The following POTEH variants were observed in gnomAD, a reference collection of about 807,000 sequenced individuals.
POTEH encodes the protein ANKRD26-like family C member 3.
A neutral mutation model predicts 41.7 loss-of-function variants in POTEH; 6 were observed. The observed-to-expected ratio is 0.14, with a 90% CI of 0.08 to 0.28. POTEH has a LOEUF of 0.28. POTEH is among the 10% of genes least tolerant of loss of function. The pLI is 1.00. For missense variants in POTEH, 115 were observed against 533.5 expected (o/e 0.22, Z 7.73); for synonymous variants, 38 against 179.9 (o/e 0.21, Z 6.31).
At chr22:15,711,206 TAGCC>T (rs1989815528) in intron 9 of POTEH, among the ~76,000 whole-genome samples, 172 bp downstream of exon 9, 1 of 152,078 alleles carries the variant, frequency 6.6e-6, no homozygotes, top group African/African-American at 2.4e-5. Flanking sequence ...ATTTGAAAAA[TAGCC>T]AGTATTGGCA....
chr22:15,691,203 G>T (rs1376938376), intron 1 of POTEH, among the ~76,000 whole-genome samples: 2 of 140,192 alleles, frequency 1.4e-5, no homozygotes, highest in Non-Finnish European at 3.2e-5. Flanking sequence ...TCTTGTGCTT[G>T]AATAGGAAGA....
chr22:15,696,735 G>A lies in POTEH; in HGVS notation c.921+917G>A, dbSNP rs561644815. ...GATAAATGAGTAACAAGATCAAGTT[G>A]GATTTTGAGTTGACTAGATACTGTT... On this transcript the variant is annotated intron_variant, in intron 3 of 10. Coordinates refer to ENST00000343518, the MANE Select transcript of POTEH (RefSeq NM_001136213.1). Among the ~76,000 whole-genome samples, 294 of 95,216 alleles carry A rather than the reference G, an allele frequency of 3.1e-3. 71 individuals carry two copies. The highest frequency in any genetic ancestry group is 9.3e-3 in the African/African-American group (288 of 31,062). The allele number at this position is 95,216 out of a possible 152,430, so 62.5% of individuals were successfully genotyped here.
At position 15,690,293 on chromosome 22, in the gene POTEH, C is replaced by T. The variant is rs1460137483; in HGVS notation, c.216C>T (p.Cys72=). 2.1e-6 allele frequency: 3 copies of T among 1,422,184 alleles called. No homozygotes were observed. The highest frequency in any genetic ancestry group is 1.9e-6 in the Non-Finnish European group (2 of 1,029,214). 88.1% of individuals were successfully genotyped at this position (1,422,184 alleles called of 1,614,324 possible). Residue 72 remains cysteine (C), a synonymous_variant, in exon 1 of 11, where the codon TGC becomes TGT. Coordinates refer to ENST00000343518, the MANE Select transcript of POTEH (RefSeq NM_001136213.1). ...GKWCCHCFPW[C]RGSGKSNVGT... Reference sequence around the variant, plus strand: ...GGTGCTGCCACTGCTTCCCCTGGTGCAGGGGGAGCGGCAAGAGCAACGTGG... The same window carrying T: ...GGTGCTGCCACTGCTTCCCCTGGTGTAGGGGGAGCGGCAAGAGCAACGTGG...
intron 1 of POTEH, among the ~76,000 whole-genome samples, chr22:15,692,703 C>T (rs1169654220): frequency 4.1e-5 from 5 of 120,560 alleles, no homozygotes; most frequent in South Asian, 2.4e-4. Context: ...TGCAGTGAGC[C>T]GAGATCGTGC....
chr22:15,711,396 C>A (rs1233109208), intron 9 of POTEH, among the ~76,000 whole-genome samples: 5 of 151,792 alleles, frequency 3.3e-5, no homozygotes, highest in African/African-American at 1.2e-4. Context: ...TCGTCTCCCT[C>A]CTGCCACTCT....
At chr22:15,717,586 G>T (rs1346194342) in intron 9 of POTEH, among the ~76,000 whole-genome samples, 1 of 111,346 alleles carries the variant, frequency 9.0e-6, no homozygotes, top group Non-Finnish European at 2.0e-5. Flanking sequence ...TTTACCGTTT[G>T]TACATCTTCT....
chr22:15,699,603 C>T (rs1416814187), intron 4 of POTEH: 2 of 223,612 alleles, frequency 8.9e-6, no homozygotes, highest in African/African-American at 4.7e-5. Context: ...AATTCAGTGC[C>T]TAGCACATGC....
In POTEH at chr22:15,721,327, A is replaced by C. The variant is rs1990018333; in HGVS notation, c.*43A>C. 1 of 1,584,796 alleles carries C rather than the reference A, an allele frequency of 6.3e-7. No individual in the cohort carries two copies. The highest frequency in any genetic ancestry group is 8.7e-7 in the Non-Finnish European group (1 of 1,154,078). On this transcript the variant is annotated 3_prime_UTR_variant, in exon 11 of 11. Transcript: ENST00000343518. ...AGAAAGAAAAAGACCTCTTGCATGA[A>C]AATAGTACGTTGCAGGAAGAAATTG... is the stretch of plus-strand genomic sequence containing the variant.
intron 8 of POTEH, among the ~76,000 whole-genome samples, chr22:15,710,354 C>T (rs879009766): frequency 6.5e-3 from 900 of 138,330 alleles, no homozygotes; most frequent in East Asian, 0.037. Context: ...AAAGAATGCT[C>T]AAAGGCAGTG....
intron 1 of POTEH, among the ~76,000 whole-genome samples, chr22:15,691,918 AT>A (rs1194120875): frequency 1.4e-5 from 2 of 147,782 alleles, no homozygotes; most frequent in Non-Finnish European, 3.0e-5. Flanking sequence ...TAGATTAAAA[AT>A]TTTAAATATA....
In POTEH at chr22:15,692,232, C is replaced by G. The variant is rs1480396976; in HGVS notation, c.632+1523C>G. Reference sequence around the variant, plus strand: ...ATCTTGGCCAGGCTGGTCTTGAACTCCTGTCCTCGTGATCCACCCACCTTG... The same window carrying G: ...ATCTTGGCCAGGCTGGTCTTGAACTGCTGTCCTCGTGATCCACCCACCTTG... On this transcript the variant is annotated intron_variant, in intron 1 of 10. Transcript: ENST00000343518. 3.6e-5 allele frequency among the ~76,000 whole-genome samples: 5 copies of G among 140,724 alleles called. No homozygotes were observed. The East Asian group carries it at 8.2e-4, about 23-fold the overall frequency. 92.3% of individuals were successfully genotyped at this position (140,724 alleles called of 152,430 possible).
chr22:15,694,567 G>GT, intron 1 of POTEH, among the ~76,000 whole-genome samples: 1 of 97,722 alleles, frequency 1.0e-5, no homozygotes, highest in African/African-American at 3.4e-5. Context: ...TTAGAAATTT[G>GT]TTTTTGTTTT....
At chr22:15,708,888 T>C (rs943895050) in intron 7 of POTEH, among the ~76,000 whole-genome samples, 1 of 147,484 alleles carries the variant, frequency 6.8e-6, no homozygotes, top group African/African-American at 2.6e-5. Context: ...GGTTAAAGAG[T>C]AATCATGGCC....
intron 1 of POTEH, among the ~76,000 whole-genome samples, chr22:15,692,515 G>A (rs1433018162): frequency 1.5e-3 from 207 of 137,058 alleles, no homozygotes; most frequent in Non-Finnish European, 2.1e-3. Flanking sequence ...CAGCACTTTA[G>A]GAGGCTGAGG....
At chr22:15,720,417 AAAT>A (rs1266421906) in intron 10 of POTEH, among the ~76,000 whole-genome samples, 1 of 117,924 alleles carries the variant, frequency 8.5e-6, no homozygotes, top group African/African-American at 3.4e-5. Flanking sequence ...TCACAATGAC[AAAT>A]AATCTCATGA....
intron 1 of POTEH, among the ~76,000 whole-genome samples, chr22:15,691,981 GAT>G (rs1403078945): frequency 1.6e-5 from 2 of 123,046 alleles, no homozygotes; most frequent in African/African-American, 5.9e-5. Context: ...TACATATGCA[GAT>G]ACATATATAT....
In POTEH at chr22:15,690,237, A is replaced by G. The variant is rs779675890; in HGVS notation, c.160A>G (p.Met54Val). The change falls in exon 1 of 11, where the codon ATG (methionine) becomes GTG (valine). Residue 54 changes from methionine (M) to valine (V), a missense_variant. Met to Val is a conservative substitution (Grantham distance 21). Coordinates refer to ENST00000343518, the MANE Select transcript of POTEH (RefSeq NM_001136213.1). ...GTSGDHDDSA[M>V]KTLRSKMGKW... ...TTCTGGAGACCACGACGATTCTGCT[A>G]TGAAGACACTCAGGAGCAAGATGGG... The G allele has an allele frequency of 3.6e-6, 5 of 1,405,232 alleles. No individual in the cohort carries two copies. The highest frequency in any genetic ancestry group is 2.3e-5 in the South Asian group (2 of 86,738). 87.0% of individuals were successfully genotyped at this position (1,405,232 alleles called of 1,614,324 possible).
intron 9 of POTEH, among the ~76,000 whole-genome samples, chr22:15,713,769 G>A (rs1381754970): frequency 4.6e-5 from 7 of 152,276 alleles, no homozygotes; most frequent in Admixed American, 3.3e-4. Flanking sequence ...CGAAGTGTTG[G>A]GATTACAGGC....
intron 9 of POTEH, among the ~76,000 whole-genome samples, chr22:15,714,213 C>A (rs1415661193): frequency 4.6e-5 from 7 of 151,316 alleles, no homozygotes; most frequent in African/African-American, 1.5e-4. Flanking sequence ...GAGCCACCAT[C>A]ATCTGCCATC....
Sources: gnomAD v4.1 joint callset for allele counts (sites outside exome capture counted in the v4.1 genomes callset) on GRCh38, gnomAD v4.1.1 for gene constraint, MANE v1.5 for transcripts, NCBI Gene and HGNC (gene_info 2026-07-23, HGNC 2026-07-21) for gene names.